TTC7A: variants seen among roughly 807,000 people sequenced by gnomAD.
TTC7A encodes the protein tetratricopeptide repeat domain 7A.
A neutral mutation model predicts 103.7 loss-of-function variants in TTC7A; 110 were observed. That is an observed-to-expected ratio of 1.06 (90% confidence interval 0.91 to 1.24). TTC7A has a LOEUF of 1.24. TTC7A is among the 50% of genes most tolerant of loss of function. TTC7A has a pLI of 0.00. For missense variants in TTC7A, 1,340 were observed against 1,116.3 expected, an observed-to-expected ratio of 1.20 and a Z score of -2.86; for synonymous variants, 521 against 467.9, an observed-to-expected ratio of 1.11 and a Z score of -1.47.
intron 8 of TTC7A, chr2:46,999,407 T>C (rs576820779): frequency 2.4e-6 from 2 of 819,134 alleles, no homozygotes; most frequent in African/African-American, 3.7e-5. Flanking sequence ...TCCAGCCACC[T>C]ACCAACCCTG....
intron 19 of TTC7A, among the ~76,000 whole-genome samples, chr2:47,073,495 A>C (rs1684949651): frequency 6.6e-6 from 1 of 152,114 alleles, no homozygotes; most frequent in Non-Finnish European, 1.5e-5. Context: ...GTTTCCCAGG[A>C]GGCTGGGGTT....
rs369262649 is a variant in TTC7A at position 47,006,020 on chromosome 2, C to T, written c.1164C>T (p.Ile388=). The T allele has an allele frequency of 6.4e-5, 103 of 1,613,816 alleles. No homozygotes were observed. Among genetic ancestry groups the T allele is most frequent in the Non-Finnish European group, 8.1e-5 (96 of 1,180,016 alleles). ...NAAAIYDLLS[I]TLGRRGQYVM... Reference sequence around the variant, plus strand: ...CAGCCATCTATGACCTCCTGAGCATCACGTTGGGCAGAAGGGGACAGTACG... The same window carrying T: ...CAGCCATCTATGACCTCCTGAGCATTACGTTGGGCAGAAGGGGACAGTACG... Residue 388 remains isoleucine, a synonymous_variant, in exon 9 of 20, where the codon ATC becomes ATT. Transcript: ENST00000319190.
intron 18 of TTC7A, among the ~76,000 whole-genome samples, chr2:47,056,443 G>T (rs1350695379): frequency 2.0e-5 from 3 of 152,212 alleles, no homozygotes; most frequent in African/African-American, 7.2e-5. Context: ...GGCCTTGGGG[G>T]TGGGCCCAGG....
chr2:46,944,577 G>C (rs1307442265), intron 1 of TTC7A, among the ~76,000 whole-genome samples: 1 of 152,020 alleles, frequency 6.6e-6, no homozygotes, highest in Non-Finnish European at 1.5e-5. Context: ...AAAAAATATA[G>C]CTAGGCATGG....
intron 3 of TTC7A, among the ~76,000 whole-genome samples, chr2:46,974,009 C>T (rs754837863): frequency 1.5e-4 from 23 of 152,180 alleles, no homozygotes; most frequent in Admixed American, 3.3e-4. Flanking sequence ...AGGCAGCCCC[C>T]GCCTTGCCTG....
chr2:46,958,383 G>A, intron 3 of TTC7A: 1 of 778,826 alleles, frequency 1.3e-6, no homozygotes, highest in Non-Finnish European at 2.0e-6. Context: ...AACCCCTTCA[G>A]CCATGGACGC....
chr2:47,071,909 C>T (rs577113580), intron 19 of TTC7A, among the ~76,000 whole-genome samples: 1 of 152,384 alleles, frequency 6.6e-6, no homozygotes, highest in East Asian at 1.9e-4. Context: ...GCCACTCCGG[C>T]CCTGGCCCTC....
Position 47,054,574 on chromosome 2 carries a change from C to T in TTC7A, c.2152+2694C>T, listed in dbSNP as rs555621587. On this transcript the variant is annotated intron_variant, in intron 18 of 19. Coordinates refer to ENST00000319190, the MANE Select transcript of TTC7A (RefSeq NM_020458.4). ...CAGGCCGGGTGCGGTGGCTCATGCCCGTAATCCGAGCACTTTGGGAGGCCG... is the reference window on the plus strand; with the variant it reads ...CAGGCCGGGTGCGGTGGCTCATGCCTGTAATCCGAGCACTTTGGGAGGCCG... Among the ~76,000 whole-genome samples, 64 of 151,960 alleles carry T rather than the reference C, an allele frequency of 4.2e-4. No homozygotes were observed. In the South Asian group the frequency reaches 0.012, roughly 28 times the overall value.
chr2:46,969,836 G>C (rs894116383), intron 3 of TTC7A, among the ~76,000 whole-genome samples: 1 of 152,202 alleles, frequency 6.6e-6, no homozygotes, highest in Non-Finnish European at 1.5e-5. Context: ...GGCCATCACT[G>C]GGGTGCAAAG....
intron 15 of TTC7A, chr2:47,035,589 G>A (rs904846816): frequency 4.6e-5 from 7 of 152,296 alleles, no homozygotes; most frequent in African/African-American, 1.7e-4. Flanking sequence ...CCTACATTCA[G>A]ACTTCTAGGG....
At chr2:46,986,414 G>A (rs1382058226) in intron 5 of TTC7A, among the ~76,000 whole-genome samples, 2 of 152,202 alleles carry the variant, frequency 1.3e-5, no homozygotes, top group Non-Finnish European at 2.9e-5. Context: ...CTCACTGCGG[G>A]GTTCGAGCTA....
Position 46,993,759 on chromosome 2 carries a change from C to G in TTC7A, c.843+231C>G, listed in dbSNP as rs181831063. Among the ~76,000 whole-genome samples the G allele has an allele frequency of 2.0e-5, 3 of 152,280 alleles. No individual in the cohort carries two copies. The East Asian group carries it at 5.8e-4, about 29-fold the overall frequency. On this transcript the variant is annotated intron_variant, in intron 6 of 19. Transcript: ENST00000319190. ...CCTCATGTTAAATCAGATTTCAGAT[C>G]TACTGCCAGCGCTTCCCTGGGCAAA...
intron 11 of TTC7A, among the ~76,000 whole-genome samples, chr2:47,017,586 TAA>T (rs1299103183): frequency 6.6e-6 from 1 of 151,990 alleles, no homozygotes; most frequent in Non-Finnish European, 1.5e-5. Flanking sequence ...TATCAGAGAA[TAA>T]GATAGGAAAT....
Position 47,011,421 on chromosome 2 carries a change from G to A in TTC7A, c.1378G>A (p.Gly460Arg), listed in dbSNP as rs774636333. The A allele has an allele frequency of 2.1e-5, 34 of 1,606,984 alleles. No homozygotes were observed. Among genetic ancestry groups the A allele is most frequent in the East Asian group, 4.5e-5 (2 of 44,868 alleles). ...VPLMAAKVCI[G>R]SLRWLEEAEH... ...CCTGATGGCCGCGAAGGTCTGCATC[G>A]GGTCCCTTCGCTGGGTGAGTGAGCT... The change falls in exon 11 of 20, where the codon GGG becomes AGG. Residue 460 changes from glycine to arginine, a missense_variant. Coordinates refer to ENST00000319190, the MANE Select transcript of TTC7A (RefSeq NM_020458.4).
chr2:47,006,117 A>G (rs1244549202), intron 9 of TTC7A, 58 bp downstream of exon 9: 4 of 1,588,644 alleles, frequency 2.5e-6, no homozygotes, highest in African/African-American at 2.7e-5. Flanking sequence ...TGTAAAGGAA[A>G]TCAGACAGAG....
At chr2:46,965,320 C>T (rs1051477562) in intron 3 of TTC7A, among the ~76,000 whole-genome samples, 7 of 152,276 alleles carry the variant, frequency 4.6e-5, no homozygotes, top group East Asian at 1.9e-4. Flanking sequence ...CCTGGTATGG[C>T]GGGAATTCAC....
chr2:46,979,227 A>T (rs975123550), intron 5 of TTC7A, among the ~76,000 whole-genome samples: 4 of 152,168 alleles, frequency 2.6e-5, no homozygotes, highest in Non-Finnish European at 5.9e-5. Flanking sequence ...TGAAAAAGCA[A>T]AGGACAGTGA....
chr2:46,959,154 G>A (rs1672162102), intron 3 of TTC7A, among the ~76,000 whole-genome samples: 1 of 152,244 alleles, frequency 6.6e-6, no homozygotes, highest in African/African-American at 2.4e-5. Context: ...AAGGAATCAA[G>A]TGATCCAGGC....
intron 7 of TTC7A, 92 bp from the exon 8 acceptor site, chr2:46,995,044 C>A: frequency 8.2e-7 from 1 of 1,217,148 alleles, no homozygotes. Flanking sequence ...CGAGCTGGTG[C>A]TGACTCTGGG....
Sources: gnomAD v4.1 joint callset for allele counts (sites outside exome capture counted in the v4.1 genomes callset) on GRCh38, gnomAD v4.1.1 for gene constraint, MANE v1.5 for transcripts, NCBI Gene and HGNC (gene_info 2026-07-23, HGNC 2026-07-21) for gene names.